The following ARHGAP11A variants were observed in gnomAD, a reference collection of about 807,000 sequenced individuals.
ARHGAP11A encodes the protein rho GTPase-activating protein 11A.
ARHGAP11A carries 36 observed loss-of-function variants against 60.5 expected under a neutral mutation model. The observed-to-expected ratio is 0.59, with a 90% CI of 0.46 to 0.79. The LOEUF is 0.79. Among genes scored for constraint, ARHGAP11A ranks in the 30% least tolerant of loss-of-function variants. ARHGAP11A has a pLI of 0.00. For missense variants in ARHGAP11A, 1,071 were observed against 1,199.2 expected (o/e 0.89, Z 1.58); for synonymous variants, 362 against 415.5 (o/e 0.87, Z 1.57).
At chr15:32,634,607 C>T (rs756337137) in intron 10 of ARHGAP11A, among the ~76,000 whole-genome samples, 1 of 152,194 alleles carries the variant, frequency 6.6e-6, no homozygotes, top group Non-Finnish European at 1.5e-5. Context: ...TTTTTTGACT[C>T]TCCTACTTGG....
At chr15:32,625,453 A>G in intron 5 of ARHGAP11A, 34 bp from the exon 6 acceptor site, 2 of 1,605,914 alleles carry the variant, frequency 1.2e-6, no homozygotes, top group Admixed American at 1.7e-5. Flanking sequence ...GAGGAAGGAT[A>G]ATAATTGTCT....
Position 32,637,208 on chromosome 15 carries a change from A to G in ARHGAP11A, c.2435A>G (p.Gln812Arg). The stretch of plus-strand genomic sequence containing the variant: ...CATAGAAAGGTTTCTGATCACATAC[A>G]GTGGTTTAACAAGCTTTCTTTAAAT... The part of the protein sequence containing the change: ...TEHRKVSDHI[Q>R]WFNKLSLNEP... The change falls in exon 12 of 12, where the codon CAG (glutamine) becomes CGG (arginine). Residue 812 changes from glutamine to arginine, a missense_variant. Transcript: ENST00000361627. The G allele has an allele frequency of 6.2e-7, 1 of 1,614,252 alleles. No individual in the cohort carries two copies. Among genetic ancestry groups the G allele is most frequent in the African/African-American group, 1.3e-5 (1 of 75,072 alleles).
At position 32,637,057 on chromosome 15, in the gene ARHGAP11A, T is replaced by C; in HGVS notation, c.2284T>C (p.Ser762Pro). The C allele has an allele frequency of 6.2e-7, 1 of 1,613,980 alleles. No homozygotes were observed. Among genetic ancestry groups the C allele is most frequent in the Non-Finnish European group, 8.5e-7 (1 of 1,180,020 alleles). ...AAHSKDEARSSFSQQSTCVVT... is the reference protein window; with the variant it reads ...AAHSKDEARSPFSQQSTCVVT... ...ACATAGCAAGGACGAGGCTAGATCC[T>C]CTTTCTCACAGCAGAGTACATGTGT... The change falls in exon 12 of 12, where the codon TCT becomes CCT. Residue 762 changes from serine to proline, a missense_variant. By Grantham distance (74) the Ser-to-Pro change is moderately conservative (BLOSUM62 -1). This residue lies in a region of ARHGAP11A where 776 missense variants were observed against 760.2 expected (regional missense o/e 1.02). Coordinates refer to ENST00000361627, the MANE Select transcript of ARHGAP11A (RefSeq NM_014783.6).
chr15:32,636,363 A>G lies in ARHGAP11A; in HGVS notation c.1590A>G (p.Gln530=), dbSNP rs778239587. The change falls in exon 12 of 12, where the codon CAA becomes CAG. Residue 530 remains glutamine (Q), a synonymous_variant. Transcript: ENST00000361627. ...SWTGPNNSSF[Q]EVDANEASSM... Reference sequence around the variant, plus strand: ...CAGGACCTAATAATTCAAGTTTTCAAGAAGTAGATGCAAATGAAGCTTCTT... The same window carrying G: ...CAGGACCTAATAATTCAAGTTTTCAGGAAGTAGATGCAAATGAAGCTTCTT... 18 of 1,614,024 alleles carry G rather than the reference A, an allele frequency of 1.1e-5. No individual in the cohort carries two copies. The Admixed American group carries it at 2.0e-4, about 18-fold the overall frequency.
Position 32,637,412 on chromosome 15 carries a change from T to A in ARHGAP11A, c.2639T>A (p.Leu880His). Reference protein sequence around the residue: ...LVKSVSCDGALSSCIESASKD... With the variant: ...LVKSVSCDGAHSSCIESASKD... ...AAATCAGTGAGCTGTGACGGTGCTC[T>A]TTCCTCTTGTATAGAAAGTGCATCA... is the stretch of plus-strand genomic sequence containing the variant. Residue 880 changes from leucine to histidine, a missense_variant, in exon 12 of 12, where the codon CTT (leucine) becomes CAT (histidine). By Grantham distance (99) the Leu-to-His change is moderately conservative. Coordinates refer to ENST00000361627, the MANE Select transcript of ARHGAP11A (RefSeq NM_014783.6). The A allele has an allele frequency of 6.2e-7, 1 of 1,614,080 alleles. No individual in the cohort carries two copies. The highest frequency in any genetic ancestry group is 2.2e-5 in the East Asian group (1 of 44,898).
chr15:32,637,861 C>T lies in ARHGAP11A; in HGVS notation c.*16C>T. ...AGATTTGTAATTGGTAAATGTTATACTTGTCATTAATGTAAATAAAGTGAG... is the reference window on the plus strand; with the variant it reads ...AGATTTGTAATTGGTAAATGTTATATTTGTCATTAATGTAAATAAAGTGAG... On this transcript the variant is annotated 3_prime_UTR_variant, in exon 12 of 12. Coordinates refer to ENST00000361627, the MANE Select transcript of ARHGAP11A (RefSeq NM_014783.6). 1.3e-6 allele frequency: 2 copies of T among 1,550,150 alleles called. No individual in the cohort carries two copies. Among genetic ancestry groups the T allele is most frequent in the Non-Finnish European group, 1.7e-6 (2 of 1,148,856 alleles).
chr15:32,628,627 T>C (rs2053521227), intron 6 of ARHGAP11A, 101 bp from the exon 7 acceptor site: 6 of 857,230 alleles, frequency 7.0e-6, no homozygotes, highest in African/African-American at 1.8e-5. Context: ...TATAAGCCGA[T>C]GTAAAGTTAC....
intron 9 of ARHGAP11A, 60 bp from the exon 10 acceptor site, chr15:32,633,873 T>C: frequency 2.9e-6 from 3 of 1,025,846 alleles, no homozygotes; most frequent in Non-Finnish European, 2.9e-6. Flanking sequence ...AATTTCGTAT[T>C]TCAAGTATTT....
Position 32,635,947 on chromosome 15 carries a change from C to A in ARHGAP11A, c.1483+32C>A, listed in dbSNP as rs200592790. 1.6e-4 allele frequency: 251 copies of A among 1,545,780 alleles called. 1 individual carries two copies. The highest frequency in any genetic ancestry group is 1.2e-4 in the Non-Finnish European group (140 of 1,149,170). On this transcript the variant is annotated intron_variant, in intron 11 of 11. Transcript: ENST00000361627. ...TTACATACTACTGTTAGAGTTTTAC[C>A]TAAAAATCCTGCTTTAGTTGCTTTT...
chr15:32,630,584 T>A (rs2053562913), intron 8 of ARHGAP11A, among the ~76,000 whole-genome samples: 1 of 151,862 alleles, frequency 6.6e-6, no homozygotes, highest in South Asian at 2.1e-4. Flanking sequence ...TTTATTTTGT[T>A]GGTTTCAGAC....
chr15:32,625,530 G>T lies in ARHGAP11A; in HGVS notation c.759G>T (p.Leu253Phe). ...DFILEKIPAMLGIDGLCATPS... is the reference protein window; with the variant it reads ...DFILEKIPAMFGIDGLCATPS... ...TCCTGGAAAAGATACCAGCCATGTT[G>T]GGTATTGATGGTCTCTGTGCTACTC... Residue 253 changes from leucine (L) to phenylalanine (F), a missense_variant, in exon 6 of 12, where the codon TTG becomes TTT. By Grantham distance (22) the Leu-to-Phe change is conservative. Around this residue, in one of 4 missense-constraint regions of ARHGAP11A, gnomAD observed 196 missense variants for 272.1 expected, o/e 0.72. Coordinates refer to ENST00000361627, the MANE Select transcript of ARHGAP11A (RefSeq NM_014783.6). 1 of 1,613,910 alleles carries T rather than the reference G, an allele frequency of 6.2e-7. No individual in the cohort carries two copies. The highest frequency in any genetic ancestry group is 1.1e-5 in the South Asian group (1 of 91,076).
At position 32,629,607 on chromosome 15, in the gene ARHGAP11A, A is replaced by T; in HGVS notation, c.950A>T (p.Glu317Val). 1.9e-6 allele frequency: 3 copies of T among 1,607,624 alleles called. No homozygotes were observed. Among genetic ancestry groups the T allele is most frequent in the Non-Finnish European group, 2.5e-6 (3 of 1,177,382 alleles). The change falls in exon 8 of 12, where the codon GAA (glutamate) becomes GTA (valine). Residue 317 changes from glutamate to valine, a missense_variant. Glu to Val is a moderately radical substitution (Grantham distance 121). Transcript: ENST00000361627. ...PQEERIAQLS[E>V]SPVILTPNAK... Reference sequence around the variant, plus strand: ...GATATTTTTTCAGCCCAGCTATCTGAATCACCAGTGATTCTTACACCAAAT... The same window carrying T: ...GATATTTTTTCAGCCCAGCTATCTGTATCACCAGTGATTCTTACACCAAAT...
chr15:32,624,754 G>A (rs556774941), intron 4 of ARHGAP11A, among the ~76,000 whole-genome samples: 1 of 151,556 alleles, frequency 6.6e-6, no homozygotes, highest in African/African-American at 2.4e-5. Context: ...CAGTGAGCCT[G>A]CTTATTCTAG....
intron 1 of ARHGAP11A, among the ~76,000 whole-genome samples, chr15:32,618,671 C>T (rs1313271391): frequency 6.6e-6 from 1 of 152,032 alleles, no homozygotes; most frequent in Admixed American, 6.6e-5. Flanking sequence ...TGCGATGGCT[C>T]ACGCCTGTAA....
At position 32,632,206 on chromosome 15, in the gene ARHGAP11A, T is replaced by A. The variant is rs145075457; in HGVS notation, c.1106-773T>A. 5.4e-3 allele frequency among the ~76,000 whole-genome samples: 826 copies of A among 152,136 alleles called. 5 individuals are homozygous for A. Among genetic ancestry groups the A allele is most frequent in the African/African-American group, 0.019 (777 of 41,572 alleles). ...ATTGAGAGGGTTCATGTTTGTTGAA[T>A]GTGTCCTGGGCGTGATTCAAACATA... On this transcript the variant is annotated intron_variant, in intron 8 of 11. Transcript: ENST00000361627.
Position 32,639,795 on chromosome 15 carries a change from C to T in ARHGAP11A, c.*1950C>T, listed in dbSNP as rs1314932298. The T allele has an allele frequency of 6.6e-6, 1 of 152,024 alleles. No homozygotes were observed. Among genetic ancestry groups the T allele is most frequent in the South Asian group, 2.1e-4 (1 of 4,818 alleles). 9.4% of individuals were successfully genotyped at this position (152,024 alleles called of 1,614,324 possible). The stretch of plus-strand genomic sequence containing the variant: ...GTTTTGTTTTAAACTTGATTTAATG[C>T]GTTTTTATTTTTTCTTATACAAAAT... On this transcript the variant is annotated 3_prime_UTR_variant, in exon 12 of 12. Coordinates refer to ENST00000361627, the MANE Select transcript of ARHGAP11A (RefSeq NM_014783.6).
chr15:32,635,656 CA>C (rs1296963665), intron 10 of ARHGAP11A, 120 bp from the exon 11 acceptor site: 3 of 593,980 alleles, frequency 5.1e-6, no homozygotes, highest in African/African-American at 1.9e-5. Flanking sequence ...AATTGTTTCT[CA>C]ATTATATATC....
At chr15:32,635,694 A>T in intron 10 of ARHGAP11A, 83 bp from the exon 11 acceptor site, 1 of 971,630 alleles carries the variant, frequency 1.0e-6, no homozygotes, top group Non-Finnish European at 1.4e-6. Context: ...AAAGATTTTG[A>T]TAACTACAAA....
chr15:32,626,254 T>C (rs1390548695), intron 6 of ARHGAP11A, among the ~76,000 whole-genome samples: 4 of 151,158 alleles, frequency 2.6e-5, no homozygotes, highest in African/African-American at 9.7e-5. Flanking sequence ...TGTGTGTCAG[T>C]AGTCCAGGCA....
Sources: gnomAD v4.1 joint callset for allele counts (sites outside exome capture counted in the v4.1 genomes callset) on GRCh38, gnomAD v4.1.1 for gene constraint, gnomAD v4.1.1 regional missense constraint, MANE v1.5 for transcripts, NCBI Gene and HGNC (gene_info 2026-07-23, HGNC 2026-07-21) for gene names.